The following PRMT8 variants were observed in gnomAD, a reference collection of about 807,000 sequenced individuals.
The protein encoded by PRMT8 is protein arginine N-methyltransferase 8.
In PRMT8, 7 loss-of-function variants were observed where a neutral mutation model predicts 47.1. The ratio of observed to expected loss-of-function variants is 0.15; its 90% CI spans 0.08 to 0.28. PRMT8 has a LOEUF of 0.28. PRMT8 is among the 10% of genes least tolerant of loss of function. The pLI is 1.00. For synonymous variants in PRMT8, 188 were observed against 186.5 expected (o/e 1.01, Z -0.07); for missense variants, 237 against 505.4 (o/e 0.47, Z 5.09).
chr12:3,515,550 C>T (rs1310181278), intron 1 of PRMT8, among the ~76,000 whole-genome samples: 1 of 152,198 alleles, frequency 6.6e-6, no homozygotes, highest in Non-Finnish European at 1.5e-5. Flanking sequence ...TGCAAATTGC[C>T]TCCCCATCCC....
At chr12:3,561,436 CAT>C (rs1268674488) in intron 4 of PRMT8, among the ~76,000 whole-genome samples, 1 of 152,172 alleles carries the variant, frequency 6.6e-6, no homozygotes. Flanking sequence ...CCAAGAGTCA[CAT>C]GTTTTTATTC....
chr12:3,472,017 G>A (rs1017899286), intron 1 of PRMT8, among the ~76,000 whole-genome samples: 1 of 152,110 alleles, frequency 6.6e-6, no homozygotes, highest in African/African-American at 2.4e-5. Flanking sequence ...TGATGCTCTC[G>A]GGTGGGGGCA....
Position 3,559,637 on chromosome 12 carries a change from T to C in PRMT8, c.481+5923T>C, listed in dbSNP as rs550355958. 4.1e-4 allele frequency among the ~76,000 whole-genome samples: 63 copies of C among 152,342 alleles called. 1 individual carries two copies. Among genetic ancestry groups the C allele is most frequent in the African/African-American group, 1.5e-3 (63 of 41,572 alleles). On this transcript the variant is annotated intron_variant, in intron 4 of 9. Coordinates refer to ENST00000382622, the MANE Select transcript of PRMT8 (RefSeq NM_019854.5). ...CCAGACTCTTATTATTGGTAATATG[T>C]TTGCTTACTACTCACTTATAATATG... is the stretch of plus-strand genomic sequence containing the variant.
In PRMT8 at chr12:3,508,155, GC is replaced by G. The variant is rs755328745; in HGVS notation, c.75+16458del. 5.3e-5 allele frequency among the ~76,000 whole-genome samples: 8 copies of G among 151,742 alleles called. No homozygotes were observed. Among genetic ancestry groups the G allele is most frequent in the Middle Eastern group, 3.2e-3 (1 of 316 alleles). On this transcript the variant is annotated intron_variant, in intron 1 of 9. Transcript: ENST00000382622. This position sits in a 1 kb window ranked among gnomAD's most constrained non-coding sequence, Gnocchi z 4.9. ...TGTTACAACTTTAAGATTTTTTTCT[GC>G]CCAGTTGTTGTTTCACTTTTAGGAG...
intron 1 of PRMT8, among the ~76,000 whole-genome samples, chr12:3,449,742 C>G (rs1864898982): frequency 6.6e-6 from 1 of 152,132 alleles, no homozygotes; most frequent in South Asian, 2.1e-4. Flanking sequence ...TTAGATCCCA[C>G]TTGTCAATTT....
chr12:3,381,566 C>T (rs1054355063), intron 1 of PRMT8: 4 of 881,280 alleles, frequency 4.5e-6, no homozygotes, highest in African/African-American at 3.3e-5. Context: ...AGCCTGCTCA[C>T]GTCTCTGTTT....
At chr12:3,478,734 A>G (rs1865243048) in intron 1 of PRMT8, among the ~76,000 whole-genome samples, 1 of 152,206 alleles carries the variant, frequency 6.6e-6, no homozygotes, top group African/African-American at 2.4e-5. Flanking sequence ...ATTAATGGAA[A>G]ATATTAGGGT....
At chr12:3,391,862 T>A (rs1864195938) in intron 1 of PRMT8, among the ~76,000 whole-genome samples, 1 of 152,152 alleles carries the variant, frequency 6.6e-6, no homozygotes, top group Non-Finnish European at 1.5e-5. Context: ...AGGGTGCAGA[T>A]GGGGACCCAG....
At chr12:3,396,379 C>T (rs1409703320) in intron 1 of PRMT8, among the ~76,000 whole-genome samples, 1 of 152,140 alleles carries the variant, frequency 6.6e-6, no homozygotes, top group Admixed American at 6.5e-5. Flanking sequence ...TTTAGCGCTT[C>T]CTTCAGGAGC....
At chr12:3,428,643 C>CTT (rs146650582) in intron 1 of PRMT8, among the ~76,000 whole-genome samples, 9 of 149,106 alleles carry the variant, frequency 6.0e-5, no homozygotes, top group African/African-American at 2.0e-4. Flanking sequence ...ATAGGGTACA[C>CTT]TTTTTTTTTT....
In PRMT8 at chr12:3,583,353, G is replaced by A; in HGVS notation, c.979+145G>A. 1 of 871,614 alleles carries A rather than the reference G, an allele frequency of 1.1e-6. No individual in the cohort carries two copies. The highest frequency in any genetic ancestry group is 1.7e-6 in the Non-Finnish European group (1 of 580,358). 54.0% of individuals were successfully genotyped at this position (871,614 alleles called of 1,614,324 possible). A position where few individuals can be genotyped will look rare whatever the true frequency, so the allele number is the denominator to read the frequency against. ...CCTATCAACCCTCTCCAGCCATGGA[G>A]GAACCATGCATCCCTATATTTGTGC... On this transcript the variant is annotated intron_variant, in intron 8 of 9. Transcript: ENST00000382622. The surrounding 1 kb of genome is among the most constrained non-coding windows in gnomAD (Gnocchi z 4.7).
At chr12:3,419,035 C>A (rs58247958) in intron 1 of PRMT8, among the ~76,000 whole-genome samples, 60 of 152,306 alleles carry the variant, frequency 3.9e-4, no homozygotes, top group Non-Finnish European at 6.8e-4. Flanking sequence ...GTTGCCCAGG[C>A]GATACACAGA....
In PRMT8 at chr12:3,557,256, G is replaced by A. The variant is rs1262801422; in HGVS notation, c.481+3542G>A. Among the ~76,000 whole-genome samples the A allele has an allele frequency of 1.3e-5, 2 of 152,142 alleles. No individual in the cohort carries two copies. Among genetic ancestry groups the A allele is most frequent in the Non-Finnish European group, 2.9e-5 (2 of 68,012 alleles). ...TTACCACTCTCAGGAGCTCGAGTGC[G>A]ATTGGAGTAGAAGGTTGCCGGGATC... On this transcript the variant is annotated intron_variant, in intron 4 of 9. Coordinates refer to ENST00000382622, the MANE Select transcript of PRMT8 (RefSeq NM_019854.5). This position sits in a 1 kb window ranked among gnomAD's most constrained non-coding sequence, Gnocchi z 4.7.
At chr12:3,524,998 G>T (rs916761260) in intron 1 of PRMT8, among the ~76,000 whole-genome samples, 1 of 152,170 alleles carries the variant, frequency 6.6e-6, no homozygotes, top group Non-Finnish European at 1.5e-5. Flanking sequence ...CGAGGCGGGT[G>T]GATCACCTGA....
intron 1 of PRMT8, among the ~76,000 whole-genome samples, chr12:3,446,385 TCTC>T (rs1864855679): frequency 6.6e-6 from 1 of 151,870 alleles, no homozygotes; most frequent in Non-Finnish European, 1.5e-5. Context: ...GTGAGCCGGC[TCTC>T]TCTGTGGGCA....
intron 1 of PRMT8, among the ~76,000 whole-genome samples, chr12:3,437,669 T>C (rs955264092): frequency 6.6e-6 from 1 of 151,142 alleles, no homozygotes; most frequent in Admixed American, 6.6e-5. Flanking sequence ...AGCTACTCTT[T>C]CTGGGAGTGT....
chr12:3,451,501 A>G (rs962831099), intron 1 of PRMT8, among the ~76,000 whole-genome samples: 1 of 152,146 alleles, frequency 6.6e-6, no homozygotes, highest in Non-Finnish European at 1.5e-5. Flanking sequence ...GATTGTTGGC[A>G]TATTTGCTCT....
At position 3,562,149 on chromosome 12, in the gene PRMT8, G is replaced by A. The variant is rs551423384; in HGVS notation, c.482-6557G>A. On this transcript the variant is annotated intron_variant, in intron 4 of 9. Transcript: ENST00000382622. ...CACTAAGCAACCAATAAACATTAGC[G>A]GTTGTTATGATTATTCCGTTTATTA... 8.4e-4 allele frequency among the ~76,000 whole-genome samples: 128 copies of A among 152,166 alleles called. 1 individual carries two copies. Among genetic ancestry groups the A allele is most frequent in the African/African-American group, 2.7e-3 (113 of 41,498 alleles).
At chr12:3,518,968 G>C (rs1865836342) in intron 1 of PRMT8, among the ~76,000 whole-genome samples, 1 of 151,996 alleles carries the variant, frequency 6.6e-6, no homozygotes, top group African/African-American at 2.4e-5. Context: ...ACTAAAGGAA[G>C]CTCAAAAGGC....
Sources: allele counts gnomAD v4.1 joint callset (sites outside exome capture counted in the v4.1 genomes callset), GRCh38; gene constraint gnomAD v4.1.1; non-coding constraint Gnocchi (gnomAD v3.1); transcripts MANE v1.5; gene names NCBI Gene and HGNC (gene_info 2026-07-23, HGNC 2026-07-21).